C12orf42: variants seen among roughly 807,000 people sequenced by gnomAD.
The protein encoded by C12orf42 is uncharacterized protein C12orf42.
In C12orf42, 25 loss-of-function variants were observed where a neutral mutation model predicts 21.6. The ratio of observed to expected loss-of-function variants is 1.16; its 90% CI spans 0.84 to 1.62. The LOEUF (loss-of-function observed/expected upper bound fraction) is 1.62. C12orf42 is among the 40% of genes most tolerant of loss of function. The pLI is 0.00. For synonymous variants in C12orf42, 174 were observed against 175.0 expected (o/e 0.99, Z 0.05); for missense variants, 483 against 459.3 (o/e 1.05, Z -0.47).
the C12orf42 span, among the ~76,000 whole-genome samples, chr12:103,090,829 G>A: frequency 6.6e-6 from 1 of 152,074 alleles, no homozygotes; most frequent in Non-Finnish European, 1.5e-5. Context: ...AAAAATCAAT[G>A]TATGATTTTA....
the C12orf42 span, among the ~76,000 whole-genome samples, chr12:103,098,694 G>A: frequency 1.3e-5 from 2 of 152,124 alleles, no homozygotes; most frequent in Non-Finnish European, 2.9e-5. Flanking sequence ...CCTAAGAGAG[G>A]CACCAAAAAG....
At chr12:103,539,868 C>A in the C12orf42 span, among the ~76,000 whole-genome samples, 25 of 151,776 alleles carry the variant, frequency 1.6e-4, no homozygotes, top group Admixed American at 5.2e-4. Flanking sequence ...CATGAGCCAA[C>A]GCGCTTGGCC....
intron 2 of C12orf42, among the ~76,000 whole-genome samples, chr12:103,435,080 T>C (rs576618926): frequency 1.3e-5 from 2 of 152,282 alleles, no homozygotes; most frequent in Admixed American, 6.5e-5. Flanking sequence ...CCTCCTCAAG[T>C]GGGTCCCTGA....
chr12:103,281,431 C>T (rs1300514423), intron 4 of C12orf42, among the ~76,000 whole-genome samples: 2 of 151,634 alleles, frequency 1.3e-5, no homozygotes, highest in South Asian at 2.1e-4. Flanking sequence ...GGCGTGGTCT[C>T]GGCTCACTGC....
intron 2 of C12orf42, among the ~76,000 whole-genome samples, chr12:103,470,648 C>T (rs1235753243): frequency 2.0e-5 from 3 of 152,074 alleles, no homozygotes; most frequent in East Asian, 3.9e-4. Flanking sequence ...ATGTGATTTC[C>T]GAGTCTAGGT....
At chr12:103,557,831 G>A in the C12orf42 span, 1 of 152,132 alleles carries the variant, frequency 6.6e-6, no homozygotes, top group Non-Finnish European at 1.5e-5. Context: ...GCACTAAGCT[G>A]GAAGTGACTC....
chr12:103,407,636 G>A (rs1182565335), intron 2 of C12orf42, among the ~76,000 whole-genome samples: 1 of 152,162 alleles, frequency 6.6e-6, no homozygotes, highest in East Asian at 1.9e-4. Context: ...TGGTAAGGCT[G>A]CCTGTCAACA....
chr12:103,125,219 G>A, the C12orf42 span, among the ~76,000 whole-genome samples: 4 of 152,212 alleles, frequency 2.6e-5, no homozygotes, highest in Non-Finnish European at 5.9e-5. Flanking sequence ...GTTAGTAGCA[G>A]CTTAGATATG....
chr12:103,389,168 G>C (rs144719068), intron 3 of C12orf42, among the ~76,000 whole-genome samples: 1 of 152,202 alleles, frequency 6.6e-6, no homozygotes, highest in African/African-American at 2.4e-5. Flanking sequence ...GACACCAGAG[G>C]GGCCATAGCC....
At chr12:103,392,610 T>C (rs917895996) in intron 3 of C12orf42, among the ~76,000 whole-genome samples, 5 of 92,814 alleles carry the variant, frequency 5.4e-5, no homozygotes, top group Non-Finnish European at 1.5e-4. Flanking sequence ...ATTGTTTTTC[T>C]TAATTTCCTT....
intron 2 of C12orf42, among the ~76,000 whole-genome samples, chr12:103,445,280 C>T (rs2137375457): frequency 6.6e-6 from 1 of 152,090 alleles, no homozygotes; most frequent in Non-Finnish European, 1.5e-5. Context: ...GGGAAAAATC[C>T]CACGTTTTGT....
At chr12:103,352,700 T>C (rs1291690543) in intron 4 of C12orf42, among the ~76,000 whole-genome samples, 5 of 152,156 alleles carry the variant, frequency 3.3e-5, no homozygotes, top group African/African-American at 1.2e-4. Context: ...CATGGAAGAA[T>C]AGCAGCATGG....
intron 3 of C12orf42, among the ~76,000 whole-genome samples, chr12:103,393,553 TCAA>T: frequency 6.6e-6 from 1 of 152,116 alleles, no homozygotes; most frequent in East Asian, 1.9e-4. Context: ...ATGACAAATA[TCAA>T]CAACAACACA....
downstream of C12orf42, among the ~76,000 whole-genome samples, chr12:103,234,638 T>C (rs2033413675): frequency 6.6e-6 from 1 of 152,162 alleles, no homozygotes; most frequent in African/African-American, 2.4e-5. Context: ...CACTAATACA[T>C]TGGACCACTT....
intron 10 of C12orf42, among the ~76,000 whole-genome samples, chr12:103,253,744 C>T (rs1593216246): frequency 6.6e-6 from 1 of 152,060 alleles, no homozygotes; most frequent in Non-Finnish European, 1.5e-5. Context: ...CTACCTTATG[C>T]CCCTCAGTCA....
intron 4 of C12orf42, among the ~76,000 whole-genome samples, chr12:103,281,202 A>T (rs978750371): frequency 1.3e-5 from 2 of 152,250 alleles, no homozygotes; most frequent in Non-Finnish European, 2.9e-5. Flanking sequence ...ATTTGGGAAG[A>T]GAATTGAGAT....
the C12orf42 span, among the ~76,000 whole-genome samples, chr12:103,546,668 C>T: frequency 6.6e-6 from 1 of 152,170 alleles, no homozygotes; most frequent in Non-Finnish European, 1.5e-5. Context: ...AAACTTAATA[C>T]TTTATCATCT....
chr12:103,122,830 G>C, the C12orf42 span, among the ~76,000 whole-genome samples: 266 of 152,258 alleles, frequency 1.7e-3, no homozygotes, highest in African/African-American at 6.1e-3. Context: ...GGAGTCCTTG[G>C]AGGATGTGGG....
intron 2 of C12orf42, among the ~76,000 whole-genome samples, chr12:103,432,459 T>C (rs1487201786): frequency 1.3e-5 from 2 of 152,240 alleles, no homozygotes; most frequent in African/African-American, 4.8e-5. Flanking sequence ...AGCTACCTAC[T>C]GTAACATTAA....
Sources: allele counts gnomAD v4.1 joint callset (sites outside exome capture counted in the v4.1 genomes callset), GRCh38; gene constraint gnomAD v4.1.1; transcripts MANE v1.5; gene names NCBI Gene and HGNC (gene_info 2026-07-23, HGNC 2026-07-21).